Variants in RGS6 observed in about 807,000 individuals in gnomAD.
The protein encoded by RGS6 is regulator of G protein signaling 6, also known as regulator of G-protein signaling 6.
Under a neutral mutation model 78.5 loss-of-function variants are expected in RGS6, and 30 were observed. That is an observed-to-expected ratio of 0.38 (90% confidence interval 0.29 to 0.52). The LOEUF (loss-of-function observed/expected upper bound fraction) is 0.52, where lower values mean the gene tolerates loss of function less well. RGS6 is among the 20% of genes least tolerant of loss of function. The pLI, the probability that RGS6 is intolerant of heterozygous loss-of-function variation, is 0.85. For missense variants in RGS6, 495 were observed against 609.7 expected (o/e 0.81, Z 1.98); for synonymous variants, 206 against 206.0 (o/e 1.00, Z 0.00).
At chr14:72,198,847 A>G (rs1402654413) in intron 2 of RGS6, among the ~76,000 whole-genome samples, 1 of 152,250 alleles carries the variant, frequency 6.6e-6, no homozygotes, top group Non-Finnish European at 1.5e-5. Context: ...AAAAGAAAAG[A>G]GACAGAGAGA....
intron 3 of RGS6, among the ~76,000 whole-genome samples, chr14:72,363,544 G>A (rs2081911116): frequency 6.6e-6 from 1 of 152,196 alleles, no homozygotes; most frequent in Admixed American, 6.5e-5. Flanking sequence ...AAGGATGGTA[G>A]CAGTAGGGTT....
intron 2 of RGS6, among the ~76,000 whole-genome samples, chr14:72,303,730 G>A (rs1415772881): frequency 2.0e-5 from 3 of 151,926 alleles, no homozygotes; most frequent in African/African-American, 7.3e-5. Context: ...TATTTGTTTT[G>A]TGTTGTGTGT....
At chr14:72,537,658 G>A (rs1269331460) in intron 16 of RGS6, 2 of 652,642 alleles carry the variant, frequency 3.1e-6, no homozygotes, top group African/African-American at 1.8e-5. Flanking sequence ...AGAACTAGAG[G>A]AAAGAAAAAT....
chr14:72,011,733 A>G (rs1265513526), intron 2 of RGS6, among the ~76,000 whole-genome samples: 2 of 152,148 alleles, frequency 1.3e-5, no homozygotes, highest in African/African-American at 4.8e-5. Flanking sequence ...ACACCACTTT[A>G]TATTAATATA....
chr14:72,556,163 TAAAG>T (rs10584897), intron 17 of RGS6, among the ~76,000 whole-genome samples: 1,602 of 152,326 alleles, frequency 0.011, 28 homozygotes, highest in African/African-American at 0.036. Flanking sequence ...CACAATGCTA[TAAAG>T]AAATACCTGA....
intron 2 of RGS6, among the ~76,000 whole-genome samples, chr14:72,042,780 A>G (rs1317546336): frequency 6.6e-6 from 1 of 152,150 alleles, no homozygotes. Context: ...TATTATAAAT[A>G]TGGGGCCATG....
At chr14:72,555,796 G>T (rs1449515327) in intron 17 of RGS6, among the ~76,000 whole-genome samples, 1 of 152,218 alleles carries the variant, frequency 6.6e-6, no homozygotes, top group Non-Finnish European at 1.5e-5. Flanking sequence ...AGTAAGTGCG[G>T]GTGCTTGTAA....
At chr14:72,283,929 G>A (rs967700286) in intron 2 of RGS6, among the ~76,000 whole-genome samples, 1 of 152,196 alleles carries the variant, frequency 6.6e-6, no homozygotes, top group Admixed American at 6.5e-5. Flanking sequence ...AGATTGAGGT[G>A]TTCTCAGATG....
At chr14:72,145,778 C>T (rs949220345) in intron 2 of RGS6, among the ~76,000 whole-genome samples, 1 of 152,110 alleles carries the variant, frequency 6.6e-6, no homozygotes, top group Non-Finnish European at 1.5e-5. Flanking sequence ...CCACCACGCC[C>T]AGCCATGAAT....
intron 8 of RGS6, 104 bp from the exon 9 acceptor site, chr14:72,472,768 G>C (rs527695488): frequency 3.5e-5 from 27 of 769,078 alleles, no homozygotes; most frequent in Non-Finnish European, 5.9e-5. Flanking sequence ...CAATGGCCTT[G>C]TGTTCACTTA....
chr14:72,362,723 G>A (rs117381464), intron 3 of RGS6, among the ~76,000 whole-genome samples: 2,508 of 152,296 alleles, frequency 0.016, 38 homozygotes, highest in Non-Finnish European at 0.028. Context: ...AGTGTGCCAC[G>A]TCACGTTCTT....
chr14:72,621,082 A>T, the RGS6 span, among the ~76,000 whole-genome samples: 1 of 151,548 alleles, frequency 6.6e-6, no homozygotes, highest in Non-Finnish European at 1.5e-5. Context: ...TGGAGGTTGC[A>T]GTGAGCCAAG....
intron 2 of RGS6, among the ~76,000 whole-genome samples, chr14:72,112,478 C>T (rs2095791049): frequency 6.6e-6 from 1 of 152,148 alleles, no homozygotes. Flanking sequence ...CTCCAAAGTT[C>T]AGGCTTTTAA....
At chr14:72,258,197 G>T (rs1220602961) in intron 2 of RGS6, among the ~76,000 whole-genome samples, 1 of 152,184 alleles carries the variant, frequency 6.6e-6, no homozygotes, top group Non-Finnish European at 1.5e-5. Context: ...TGACATTACA[G>T]TGAGGTCTCC....
intron 1 of RGS6, among the ~76,000 whole-genome samples, chr14:71,947,488 T>TTG (rs1183032304): frequency 1.3e-5 from 2 of 152,136 alleles, no homozygotes; most frequent in African/African-American, 2.4e-5. Context: ...AAGAGTCTTT[T>TTG]TTGTTGTTGT....
At chr14:72,089,863 C>T (rs973888379) in intron 2 of RGS6, among the ~76,000 whole-genome samples, 6 of 152,160 alleles carry the variant, frequency 3.9e-5, no homozygotes, top group African/African-American at 9.7e-5. Flanking sequence ...TTCCAAAGGA[C>T]GGTCCTTCCT....
At chr14:72,487,632 G>A (rs2096513338) in intron 12 of RGS6, among the ~76,000 whole-genome samples, 1 of 152,184 alleles carries the variant, frequency 6.6e-6, no homozygotes, top group Non-Finnish European at 1.5e-5. Context: ...GCAGATGGAA[G>A]GGGGCCACGA....
chr14:72,397,856 T>C (rs1173292986), intron 3 of RGS6, among the ~76,000 whole-genome samples: 7 of 152,218 alleles, frequency 4.6e-5, no homozygotes, highest in Non-Finnish European at 7.3e-5. Context: ...ATTACGTTTA[T>C]TGATTTTCGT....
intron 12 of RGS6, among the ~76,000 whole-genome samples, chr14:72,493,987 G>GGCTTT (rs1315591827): frequency 3.3e-5 from 5 of 152,134 alleles, no homozygotes; most frequent in Admixed American, 3.3e-4. Context: ...AGGAAACATG[G>GGCTTT]GCTTTTCAAC....
Sources: gnomAD v4.1 joint callset for allele counts (sites outside exome capture counted in the v4.1 genomes callset) on GRCh38, gnomAD v4.1.1 for gene constraint, MANE v1.5 for transcripts, NCBI Gene and HGNC (gene_info 2026-07-23, HGNC 2026-07-21) for gene names.